Variants in KDM4B observed in about 807,000 individuals in gnomAD.
The protein encoded by KDM4B is lysine demethylase 4B, also known as lysine-specific demethylase 4B.
In KDM4B, 32 loss-of-function variants were observed where a neutral mutation model predicts 125.2. That is an observed-to-expected ratio of 0.26 (90% CI 0.19 to 0.34). The LOEUF is 0.34. Ranked by LOEUF, KDM4B falls within the 10% of genes least tolerant of loss-of-function variation. KDM4B has a pLI of 1.00. For synonymous variants in KDM4B, 721 were observed against 677.9 expected (o/e 1.06, Z -0.99); for missense variants, 1,190 against 1,577.7 (o/e 0.75, Z 4.16).
chr19:4,983,670 G>A (rs997454919), intron 1 of KDM4B, among the ~76,000 whole-genome samples: 1 of 152,212 alleles, frequency 6.6e-6, no homozygotes, highest in Non-Finnish European at 1.5e-5. Context: ...TTTCCGGGAA[G>A]AGAATGGCAG....
intron 1 of KDM4B, among the ~76,000 whole-genome samples, chr19:4,983,716 A>G (rs1029297498): frequency 1.3e-5 from 2 of 152,210 alleles, no homozygotes; most frequent in South Asian, 2.1e-4. Flanking sequence ...AGGAAAGCCC[A>G]GAAGAGAGAC....
chr19:5,000,311 G>A (rs148276120), intron 1 of KDM4B, among the ~76,000 whole-genome samples: 8 of 135,312 alleles, frequency 5.9e-5, no homozygotes, highest in Admixed American at 3.8e-4. Context: ...CCATCTGTCC[G>A]TCTGTCCATC....
Position 5,137,313 on chromosome 19 carries a change from G to C in KDM4B, c.2360G>C (p.Arg787Pro). The change falls in exon 16 of 23, where the codon CGG becomes CCG. Residue 787 changes from arginine (R) to proline (P), a missense_variant. Physicochemically the swap from Arg to Pro is moderately radical, Grantham distance 103. This residue lies in a region of KDM4B where 298 missense variants were observed against 439.7 expected (regional missense o/e 0.68). Coordinates refer to ENST00000159111, the MANE Select transcript of KDM4B (RefSeq NM_015015.3). ...ELVNEGWTCSRCAAHAWTAEC... is the reference protein window; with the variant it reads ...ELVNEGWTCSPCAAHAWTAEC... ...GTCAATGAAGGCTGGACGTGTTCCC[G>C]GTGCGCGGCCCACGCCTGGACTGCG... 2 of 1,578,424 alleles carry C rather than the reference G, an allele frequency of 1.3e-6. No individual in the cohort carries two copies. Among genetic ancestry groups the C allele is most frequent in the Non-Finnish European group, 1.7e-6 (2 of 1,162,420 alleles).
chr19:5,029,656 G>A (rs1282782594), intron 2 of KDM4B, among the ~76,000 whole-genome samples: 1 of 151,966 alleles, frequency 6.6e-6, no homozygotes, highest in Non-Finnish European at 1.5e-5. Context: ...GCAAGACCCC[G>A]TCTCTACAAA....
At chr19:5,023,093 G>A (rs2036172967) in intron 2 of KDM4B, among the ~76,000 whole-genome samples, 1 of 152,100 alleles carries the variant, frequency 6.6e-6, no homozygotes, top group Non-Finnish European at 1.5e-5. Context: ...GATGATCTGG[G>A]GAGCCCGATG....
At position 5,135,775 on chromosome 19, in the gene KDM4B, G is replaced by A. The variant is rs566061798; in HGVS notation, c.2308+214G>A. Among the ~76,000 whole-genome samples, 44 of 152,346 alleles carry A rather than the reference G, an allele frequency of 2.9e-4. No homozygotes were observed. In the South Asian group the frequency reaches 9.1e-3, roughly 32 times the overall value. Reference sequence around the variant, plus strand: ...TTGTGGTCCCACCATCTAGAGCAGGGGGAAAGGCTGTGGCCATGGAAGGGC... The same window carrying A: ...TTGTGGTCCCACCATCTAGAGCAGGAGGAAAGGCTGTGGCCATGGAAGGGC... On this transcript the variant is annotated intron_variant, in intron 15 of 22. Coordinates refer to ENST00000159111, the MANE Select transcript of KDM4B (RefSeq NM_015015.3).
At chr19:5,011,911 C>G (rs1006299928) in intron 1 of KDM4B, among the ~76,000 whole-genome samples, 2 of 152,238 alleles carry the variant, frequency 1.3e-5, no homozygotes, top group African/African-American at 4.8e-5. Flanking sequence ...GTGGTCTCTT[C>G]TTCCGCCCCA....
chr19:5,092,347 C>T (rs543334727), intron 9 of KDM4B, among the ~76,000 whole-genome samples: 1 of 152,332 alleles, frequency 6.6e-6, no homozygotes, highest in South Asian at 2.1e-4. Flanking sequence ...TCGGCAGGCA[C>T]ATCCACTCCC....
At chr19:4,972,386 A>C (rs941640589) in intron 1 of KDM4B, among the ~76,000 whole-genome samples, 2 of 152,158 alleles carry the variant, frequency 1.3e-5, no homozygotes, top group Non-Finnish European at 2.9e-5. Context: ...AAGGCGCTGA[A>C]GCTTGCAGGG....
At chr19:4,969,722 C>A in intron 1 of KDM4B, among the ~76,000 whole-genome samples, 1 of 151,788 alleles carries the variant, frequency 6.6e-6, no homozygotes, top group East Asian at 1.9e-4. Flanking sequence ...GCCAGGGGGG[C>A]TAAGGGGAAG....
At chr19:5,004,425 C>G (rs887710607) in intron 1 of KDM4B, among the ~76,000 whole-genome samples, 2 of 152,208 alleles carry the variant, frequency 1.3e-5, no homozygotes, top group Admixed American at 6.5e-5. Flanking sequence ...TCAGCCCTTG[C>G]TGCCCCCCGG....
rs2039980634 is a variant in KDM4B at position 5,153,417 on chromosome 19, G to T, written c.*1906G>T. ...GGCCTGCGCAGATGGGCCACAGAAGGGCAGGCCGGAGCTGCACACTCTCCC... is the reference window on the plus strand; with the variant it reads ...GGCCTGCGCAGATGGGCCACAGAAGTGCAGGCCGGAGCTGCACACTCTCCC... On this transcript the variant is annotated 3_prime_UTR_variant, in exon 23 of 23. Transcript: ENST00000159111. The T allele has an allele frequency of 6.6e-6, 1 of 152,234 alleles. No homozygotes were observed. The allele number at this position is 152,234 out of a possible 1,614,324, so 9.4% of individuals were successfully genotyped here.
Position 5,040,030 on chromosome 19 carries a change from G to T in KDM4B, c.317+19G>T, listed in dbSNP as rs748000974. ...GCGAGAAGTACGCGGGGCGGGCAGG[G>T]CGGACCTGACCCCCGCCCCCGGGGG... On this transcript the variant is annotated intron_variant, in intron 4 of 22. Transcript: ENST00000159111. 15 of 1,597,932 alleles carry T rather than the reference G, an allele frequency of 9.4e-6. No individual in the cohort carries two copies. In the African/African-American group the frequency reaches 1.9e-4, roughly 20 times the overall value.
intron 1 of KDM4B, among the ~76,000 whole-genome samples, chr19:5,001,890 T>C (rs900988168): frequency 5.3e-5 from 8 of 152,232 alleles, no homozygotes; most frequent in African/African-American, 1.9e-4. Flanking sequence ...CTTCATACTT[T>C]TCACTTGCTT....
chr19:4,988,259 G>A (rs752078435), intron 1 of KDM4B, among the ~76,000 whole-genome samples: 3 of 152,162 alleles, frequency 2.0e-5, no homozygotes, highest in Non-Finnish European at 4.4e-5. Context: ...CTGGAAACCA[G>A]CCTTCTCATG....
intron 1 of KDM4B, among the ~76,000 whole-genome samples, chr19:4,992,461 T>C (rs77367146): frequency 1.3e-5 from 2 of 152,040 alleles, no homozygotes; most frequent in Non-Finnish European, 2.9e-5. Context: ...TTTTTTTTTT[T>C]CCTTGCGATA....
intron 1 of KDM4B, among the ~76,000 whole-genome samples, chr19:4,988,184 A>G (rs1159499914): frequency 1.3e-5 from 2 of 152,106 alleles, no homozygotes; most frequent in Admixed American, 6.5e-5. Context: ...CTCCCCACGT[A>G]CCTAACCCCA....
intron 10 of KDM4B, 107 bp downstream of exon 10, chr19:5,110,925 C>T: frequency 3.5e-6 from 3 of 864,292 alleles, no homozygotes; most frequent in Non-Finnish European, 5.2e-6. Flanking sequence ...CCGTGTCCCA[C>T]TCCTCCCTTT....
At chr19:5,061,095 C>T (rs1488607995) in intron 6 of KDM4B, among the ~76,000 whole-genome samples, 5 of 152,216 alleles carry the variant, frequency 3.3e-5, no homozygotes, top group Admixed American at 3.3e-4. Context: ...TGTGACGACA[C>T]CTCGTGGCCC....
Sources: gnomAD v4.1 joint callset for allele counts (sites outside exome capture counted in the v4.1 genomes callset) on GRCh38, gnomAD v4.1.1 for gene constraint, gnomAD v4.1.1 regional missense constraint, MANE v1.5 for transcripts, NCBI Gene and HGNC (gene_info 2026-07-23, HGNC 2026-07-21) for gene names.